CRB2: variants seen among roughly 807,000 people sequenced by gnomAD.
CRB2 encodes the protein protein crumbs homolog 2.
A neutral mutation model predicts 110.9 loss-of-function variants in CRB2; 85 were observed. The observed-to-expected ratio is 0.77, with a 90% CI of 0.64 to 0.92. The LOEUF (loss-of-function observed/expected upper bound fraction) is 0.92. CRB2 is among the 40% of genes least tolerant of loss of function. CRB2 has a pLI of 0.00. For synonymous variants in CRB2, 907 were observed against 831.0 expected (o/e 1.09, Z -1.57); for missense variants, 1,843 against 1,851.3 (o/e 1.00, Z 0.08).
At chr9:123,356,375 G>A (rs1255119639) in intron 1 of CRB2, 21 bp downstream of exon 1, 2 of 1,514,472 alleles carry the variant, frequency 1.3e-6, no homozygotes, top group Non-Finnish European at 1.8e-6. Context: ...GCCCATGTCT[G>A]GAGGGGCCTG....
upstream of CRB2, among the ~76,000 whole-genome samples, chr9:123,355,371 T>C (rs1034363211): frequency 6.6e-6 from 1 of 151,776 alleles, no homozygotes; most frequent in African/African-American, 2.4e-5. Flanking sequence ...ATGGGCTGCT[T>C]TGGATTGCAG....
chr9:123,376,626 G>A (rs1252655550), intron 12 of CRB2, among the ~76,000 whole-genome samples: 6 of 152,170 alleles, frequency 3.9e-5, no homozygotes, highest in Non-Finnish European at 7.4e-5. Context: ...CTCCTTTGTT[G>A]TATAGGCCTC....
upstream of CRB2, among the ~76,000 whole-genome samples, chr9:123,354,533 C>A (rs1306800295): frequency 6.6e-6 from 1 of 152,236 alleles, no homozygotes; most frequent in Non-Finnish European, 1.5e-5. Flanking sequence ...AAGTCACGTG[C>A]TGAGGTCACC....
intron 8 of CRB2, 35 bp downstream of exon 8, chr9:123,371,613 G>A: frequency 3.1e-6 from 5 of 1,607,292 alleles, no homozygotes; most frequent in Non-Finnish European, 4.2e-6. Flanking sequence ...TGGTGGGGTG[G>A]GGAGTCCTTT....
Position 123,372,320 on chromosome 9 carries a change from GGAGGTCCCTGATGGCTTT to G in CRB2, c.2582_2599del (p.Glu861_Phe866del). ...CCTGTCTCCCACCTGCCACGTGTGA[GGAGGTCCCTGATGGCTTT>G]GTGTGTGAGTGTGTGTCCTGGGCAG... is the stretch of plus-strand genomic sequence containing the variant. On this transcript the variant is annotated inframe_deletion, in exon 9 of 13. Coordinates refer to ENST00000373631, the MANE Select transcript of CRB2 (RefSeq NM_173689.7). 6.2e-7 allele frequency: 1 copy of G among 1,604,468 alleles called. No homozygotes were observed. Among genetic ancestry groups the G allele is most frequent in the South Asian group, 1.1e-5 (1 of 88,916 alleles).
intron 1 of CRB2, among the ~76,000 whole-genome samples, chr9:123,357,405 G>A (rs893906033): frequency 2.6e-5 from 4 of 152,038 alleles, no homozygotes; most frequent in African/African-American, 9.7e-5. Flanking sequence ...AGCTCCACAG[G>A]CTGTAGGGTG....
chr9:123,367,232 A>T lies in CRB2; in HGVS notation c.815A>T (p.His272Leu). The T allele has an allele frequency of 6.3e-7, 1 of 1,599,120 alleles. No individual in the cohort carries two copies. Among genetic ancestry groups the T allele is most frequent in the Non-Finnish European group, 8.5e-7 (1 of 1,177,806 alleles). Reference sequence around the variant, plus strand: ...GAGTGTGCATCGAGCCCCTGCCAGCATGGGGGCCGATGCCTGCAGCGCTCT... The same window carrying T: ...GAGTGTGCATCGAGCCCCTGCCAGCTTGGGGGCCGATGCCTGCAGCGCTCT... ...EDECASSPCQ[H>L]GGRCLQRSDP... Residue 272 changes from histidine (H) to leucine (L), a missense_variant, in exon 5 of 13, where the codon CAT becomes CTT. Transcript: ENST00000373631.
chr9:123,371,118 C>G lies in CRB2; in HGVS notation c.1976C>G (p.Ser659Cys). The change falls in exon 8 of 13, where the codon TCC (serine) becomes TGC (cysteine). Residue 659 changes from serine to cysteine, a missense_variant. Ser to Cys is a moderately radical substitution (Grantham distance 112). Coordinates refer to ENST00000373631, the MANE Select transcript of CRB2 (RefSeq NM_173689.7). ...TTGGGAGGCGCCCCAAGCTCTGCCT[C>G]CTTTCTGCTCCAAGAGCTGCCAGGT... The part of the protein sequence containing the change: ...FGLGGAPSSA[S>C]FLLQELPGPN... The G allele has an allele frequency of 6.2e-7, 1 of 1,613,518 alleles. No homozygotes were observed. Among genetic ancestry groups the G allele is most frequent in the Non-Finnish European group, 8.5e-7 (1 of 1,180,020 alleles).
At chr9:123,357,774 C>T (rs74601679) in intron 1 of CRB2, among the ~76,000 whole-genome samples, 2,697 of 152,366 alleles carry the variant, frequency 0.018, 27 homozygotes, top group Non-Finnish European at 0.029. Flanking sequence ...GGGCACACAG[C>T]ACCACAGGGA....
At chr9:123,372,401 T>C (rs2042030032) in intron 9 of CRB2, 59 bp downstream of exon 9, 1 of 1,534,486 alleles carries the variant, frequency 6.5e-7, no homozygotes, top group Admixed American at 2.0e-5. Flanking sequence ...GCTGGTTAGA[T>C]CCCATCTGCA....
chr9:123,373,434 C>T lies in CRB2; in HGVS notation c.2903C>T (p.Ala968Val), dbSNP rs755225845. Residue 968 changes from alanine (A) to valine (V), a missense_variant, in exon 10 of 13, where the codon GCC becomes GTC. Physicochemically the swap from Ala to Val is moderately conservative, Grantham distance 64. Coordinates refer to ENST00000373631, the MANE Select transcript of CRB2 (RefSeq NM_173689.7). ...CGTCTGGCCATGGAGCGCCCGGCGG[C>T]CACCACCTCGCGCTGGCTGCTGTGG... ...RVRLAMERPA[A>V]TTSRWLLWLD... 6.9e-7 allele frequency: 1 copy of T among 1,447,656 alleles called. No individual in the cohort carries two copies. The highest frequency in any genetic ancestry group is 9.0e-7 in the Non-Finnish European group (1 of 1,105,790). The allele number at this position is 1,447,656 out of a possible 1,614,324, so 89.7% of individuals were successfully genotyped here. A position where few individuals can be genotyped will look rare whatever the true frequency, so the allele number is the denominator to read the frequency against.
At position 123,362,908 on chromosome 9, in the gene CRB2, G is replaced by C. The variant is rs758099882; in HGVS notation, c.138G>C (p.Pro46=). The C allele has an allele frequency of 3.8e-6, 6 of 1,597,610 alleles. No individual in the cohort carries two copies. The highest frequency in any genetic ancestry group is 5.1e-6 in the Non-Finnish European group (6 of 1,167,180). Residue 46 remains proline, a synonymous_variant, in exon 2 of 13, where the codon CCG becomes CCC. Transcript: ENST00000373631. ...CCCCCAGTGCCTGTGCCTCAGACCCGTGCGCTCCAGGGACCGAGTGCCAGG... is the reference window on the plus strand; with the variant it reads ...CCCCCAGTGCCTGTGCCTCAGACCCCTGCGCTCCAGGGACCGAGTGCCAGG... ...SEPPSACASD[P]CAPGTECQAT... is the part of the protein sequence containing the mutation.
intron 1 of CRB2, among the ~76,000 whole-genome samples, chr9:123,359,450 T>TTTG (rs1233236437): frequency 1.1e-4 from 15 of 138,904 alleles, no homozygotes; most frequent in South Asian, 2.4e-4. Context: ...TGTTTTTTTT[T>TTTG]TTTTTTTTTT....
At chr9:123,374,476 T>C in intron 10 of CRB2, 103 bp from the exon 11 acceptor site, 1 of 777,208 alleles carries the variant, frequency 1.3e-6, no homozygotes, top group South Asian at 1.6e-5. Context: ...AGGCCCTGAG[T>C]TCCATACATG....
At chr9:123,359,915 G>A (rs1228015767) in intron 1 of CRB2, among the ~76,000 whole-genome samples, 3 of 152,054 alleles carry the variant, frequency 2.0e-5, no homozygotes, top group African/African-American at 7.2e-5. Context: ...GGCTGATATT[G>A]GAAGCTGTAT....
At chr9:123,375,089 G>A in intron 11 of CRB2, 128 bp from the exon 12 acceptor site, 1 of 1,387,366 alleles carries the variant, frequency 7.2e-7, no homozygotes, top group Non-Finnish European at 9.9e-7. Context: ...CTGGGCAGGA[G>A]CAGCGCATGG....
chr9:123,373,476 C>G lies in CRB2; in HGVS notation c.2945C>G (p.Thr982Ser). ...RWLLWLDGAATPVALRGLASD... is the reference protein window; with the variant it reads ...RWLLWLDGAASPVALRGLASD... ...CTGCTGTGGCTGGATGGTGCCGCCACCCCGGTGGCGCTGCGCGGCCTGGCC... is the reference window on the plus strand; with the variant it reads ...CTGCTGTGGCTGGATGGTGCCGCCAGCCCGGTGGCGCTGCGCGGCCTGGCC... The change falls in exon 10 of 13, where the codon ACC becomes AGC. Residue 982 changes from threonine (T) to serine (S), a missense_variant. Thr to Ser is a moderately conservative substitution (Grantham distance 58, BLOSUM62 1). Transcript: ENST00000373631. 6.9e-7 allele frequency: 1 copy of G among 1,452,382 alleles called. No homozygotes were observed. The highest frequency in any genetic ancestry group is 9.0e-7 in the Non-Finnish European group (1 of 1,110,988). 90.0% of individuals were successfully genotyped at this position (1,452,382 alleles called of 1,614,324 possible). A position where few individuals can be genotyped will look rare whatever the true frequency, so the allele number is the denominator to read the frequency against.
chr9:123,372,707 G>A (rs1001119390), intron 9 of CRB2, among the ~76,000 whole-genome samples: 1 of 152,252 alleles, frequency 6.6e-6, no homozygotes, highest in Admixed American at 6.5e-5. Flanking sequence ...TTATCCCAAG[G>A]ACAGTGGGGA....
rs747403093 is a variant in CRB2 at position 123,376,906 on chromosome 9, C to T, written c.3702C>T (p.Leu1234=). The part of the protein sequence containing the change: ...EVAVPAACAC[L]LLLLLGLLSG... ...CCGTACCTGCAGCCTGTGCCTGCCT[C>T]CTCCTCCTCCTCCTGGGCCTCCTTT... The change falls in exon 13 of 13, where the codon CTC becomes CTT. Residue 1234 remains leucine, a synonymous_variant. Coordinates refer to ENST00000373631, the MANE Select transcript of CRB2 (RefSeq NM_173689.7). 9 of 1,608,402 alleles carry T rather than the reference C, an allele frequency of 5.6e-6. No homozygotes were observed. Among genetic ancestry groups the T allele is most frequent in the Non-Finnish European group, 6.8e-6 (8 of 1,178,464 alleles).
Sources: gnomAD v4.1 joint callset for allele counts (sites outside exome capture counted in the v4.1 genomes callset) on GRCh38, gnomAD v4.1.1 for gene constraint, MANE v1.5 for transcripts, NCBI Gene and HGNC (gene_info 2026-07-23, HGNC 2026-07-21) for gene names.